Variants in LDB2 observed in about 807,000 individuals in gnomAD.
The protein encoded by LDB2 is LIM domain-binding protein 2.
A neutral mutation model predicts 44.3 loss-of-function variants in LDB2; 12 were observed. The ratio of observed to expected loss-of-function variants is 0.27; its 90% CI spans 0.17 to 0.44. The LOEUF (loss-of-function observed/expected upper bound fraction) is 0.44, where lower values mean the gene tolerates loss of function less well. LDB2 is among the 20% of genes least tolerant of loss of function. The pLI is 1.00. For missense variants in LDB2, 344 were observed against 473.5 expected, an observed-to-expected ratio of 0.73 and a Z score of 2.54; for synonymous variants, 164 against 174.8, an observed-to-expected ratio of 0.94 and a Z score of 0.49.
chr4:16,763,439 T>TACACACACACACACACACACACACAC (rs56114847), intron 1 of LDB2, among the ~76,000 whole-genome samples: 3 of 141,090 alleles, frequency 2.1e-5, no homozygotes, highest in Non-Finnish European at 4.6e-5. Flanking sequence ...TGTAAACACG[T>TACACACACACACACACACACACACAC]ACACACACAC....
intron 5 of LDB2, among the ~76,000 whole-genome samples, chr4:16,569,315 C>T (rs747565665): frequency 3.3e-5 from 5 of 152,126 alleles, no homozygotes; most frequent in East Asian, 1.9e-4. Flanking sequence ...CATGATTGAA[C>T]GGAAAAGGGG....
intron 2 of LDB2, among the ~76,000 whole-genome samples, chr4:16,618,335 T>G (rs181239849): frequency 5.9e-4 from 90 of 152,308 alleles, no homozygotes; most frequent in African/African-American, 1.9e-3. Flanking sequence ...TTATTTGAAT[T>G]GTCTTCATGG....
intron 1 of LDB2, among the ~76,000 whole-genome samples, chr4:16,821,459 C>T (rs1353191044): frequency 6.6e-6 from 1 of 150,426 alleles, no homozygotes; most frequent in Non-Finnish European, 1.5e-5. Flanking sequence ...TCTCGGCTCA[C>T]TGCAAGCTCC....
intron 5 of LDB2, among the ~76,000 whole-genome samples, chr4:16,566,660 A>G (rs1282064206): frequency 6.6e-6 from 1 of 152,174 alleles, no homozygotes; most frequent in Admixed American, 6.5e-5. Flanking sequence ...TAGGGAAAAT[A>G]CCACATCATC....
At chr4:16,573,407 T>C (rs1470748555) in intron 5 of LDB2, among the ~76,000 whole-genome samples, 1 of 152,162 alleles carries the variant, frequency 6.6e-6, no homozygotes, top group African/African-American at 2.4e-5. Flanking sequence ...TGAATTGGTC[T>C]ATATCCCAGT....
chr4:16,791,568 A>AAAAAAAAAAAAG, intron 1 of LDB2, among the ~76,000 whole-genome samples: 2 of 150,802 alleles, frequency 1.3e-5, no homozygotes, highest in African/African-American at 4.9e-5. Flanking sequence ...AAAAAAAAAA[A>AAAAAAAAAAAAG]AAAAGAAAGA....
At chr4:16,566,430 G>A (rs529878393) in intron 5 of LDB2, among the ~76,000 whole-genome samples, 1 of 152,210 alleles carries the variant, frequency 6.6e-6, no homozygotes, top group Non-Finnish European at 1.5e-5. Flanking sequence ...TTTCAAATCA[G>A]TGAGAAAAGG....
At chr4:16,628,689 G>A (rs748472820) in intron 2 of LDB2, among the ~76,000 whole-genome samples, 3 of 152,138 alleles carry the variant, frequency 2.0e-5, no homozygotes, top group East Asian at 1.9e-4. Flanking sequence ...CGAGATAGAC[G>A]CAGAAGATGG....
chr4:16,580,886 A>G (rs946364162), intron 5 of LDB2, among the ~76,000 whole-genome samples: 2 of 152,228 alleles, frequency 1.3e-5, no homozygotes, highest in African/African-American at 4.8e-5. Context: ...TAAAATAGAC[A>G]TCAATTACTT....
intron 1 of LDB2, among the ~76,000 whole-genome samples, chr4:16,781,780 T>G (rs1561211624): frequency 6.6e-6 from 1 of 152,058 alleles, no homozygotes; most frequent in Non-Finnish European, 1.5e-5. Flanking sequence ...CCTTGCAGAT[T>G]AATAGGTTAA....
chr4:16,866,065 T>C (rs1042781425), intron 1 of LDB2, among the ~76,000 whole-genome samples: 3 of 152,190 alleles, frequency 2.0e-5, no homozygotes, highest in Non-Finnish European at 4.4e-5. Context: ...GTCTAATAAT[T>C]GTTGTTCCTG....
intron 2 of LDB2, among the ~76,000 whole-genome samples, chr4:16,734,958 C>T (rs1383321463): frequency 6.6e-6 from 1 of 152,128 alleles, no homozygotes; most frequent in Non-Finnish European, 1.5e-5. Flanking sequence ...ATCCACCCGC[C>T]TCTGCCTCCC....
At chr4:16,622,240 G>C (rs1324631404) in intron 2 of LDB2, among the ~76,000 whole-genome samples, 2 of 152,220 alleles carry the variant, frequency 1.3e-5, no homozygotes. Context: ...TGCTTAGTTA[G>C]AGAAACTACA....
chr4:16,625,927 G>A (rs928584557), intron 2 of LDB2, among the ~76,000 whole-genome samples: 1 of 152,042 alleles, frequency 6.6e-6, no homozygotes, highest in Non-Finnish European at 1.5e-5. Context: ...CTTCTTACTG[G>A]ACCATCCTGT....
chr4:16,821,769 A>AAAAAAAAAAAAAG (rs1782115298), intron 1 of LDB2, among the ~76,000 whole-genome samples: 1 of 142,670 alleles, frequency 7.0e-6, no homozygotes, highest in African/African-American at 2.5e-5. Context: ...AAAAAAAAAA[A>AAAAAAAAAAAAAG]ATCAGGAATT....
intron 5 of LDB2, among the ~76,000 whole-genome samples, chr4:16,584,833 G>A (rs1269651302): frequency 3.3e-5 from 5 of 152,156 alleles, no homozygotes; most frequent in Non-Finnish European, 7.3e-5. Flanking sequence ...AAGGAAATTT[G>A]ATGTTTATTA....
rs539756156 is a variant in LDB2 at position 16,878,672 on chromosome 4, C to T, written c.132+19682G>A. Among the ~76,000 whole-genome samples, 13 of 152,336 alleles carry T rather than the reference C, an allele frequency of 8.5e-5. No individual in the cohort carries two copies. In the South Asian group the frequency reaches 1.7e-3, roughly 19 times the overall value. The stretch of plus-strand genomic sequence containing the variant: ...TTAACATCCTATCTGTAGTCAAACA[C>T]GGTCTGACCCCAACCTGCATCATCA... On this transcript the variant is annotated intron_variant, in intron 1 of 7. Transcript: ENST00000304523.
intron 1 of LDB2, among the ~76,000 whole-genome samples, chr4:16,876,919 T>TTTC (rs71649991): frequency 2.3e-4 from 33 of 146,412 alleles, no homozygotes; most frequent in Admixed American, 6.7e-4. Flanking sequence ...TTTTTTTTTT[T>TTTC]CCTTAGAGAC....
At chr4:16,766,464 A>G (rs1470132205) in intron 1 of LDB2, among the ~76,000 whole-genome samples, 11 of 14,772 alleles carry the variant, frequency 7.4e-4, no homozygotes, top group African/African-American at 1.6e-3. Flanking sequence ...ATACACACAC[A>G]TATATGTGTG....
Sources: allele counts gnomAD v4.1 joint callset (sites outside exome capture counted in the v4.1 genomes callset), GRCh38; gene constraint gnomAD v4.1.1; transcripts MANE v1.5; gene names NCBI Gene and HGNC (gene_info 2026-07-23, HGNC 2026-07-21).